NAV1: variants seen among roughly 807,000 people sequenced by gnomAD.
The protein encoded by NAV1 is neuron navigator 1, also known as pore membrane and/or filament interacting like protein 3.
A neutral mutation model predicts 175.2 loss-of-function variants in NAV1; 18 were observed. The ratio of observed to expected loss-of-function variants is 0.10; its 90% CI spans 0.07 to 0.15. NAV1 has a LOEUF of 0.15. Ranked by LOEUF, NAV1 falls within the 10% of genes least tolerant of loss-of-function variation. NAV1 has a pLI of 1.00. For synonymous variants in NAV1, 897 were observed against 978.7 expected, an observed-to-expected ratio of 0.92 and a Z score of 1.56; for missense variants, 1,731 against 2,436.6, an observed-to-expected ratio of 0.71 and a Z score of 6.10.
At chr1:201,640,725 C>G (rs958336306) in intron 2 of NAV1, among the ~76,000 whole-genome samples, 1 of 152,232 alleles carries the variant, frequency 6.6e-6, no homozygotes, top group Non-Finnish European at 1.5e-5. Flanking sequence ...AGAAGCTTGG[C>G]TTCCATTCCA....
intron 1 of NAV1, among the ~76,000 whole-genome samples, chr1:201,625,330 G>A (rs966396945): frequency 7.2e-5 from 11 of 152,216 alleles, no homozygotes; most frequent in African/African-American, 2.7e-4. Context: ...TCATCACCAT[G>A]GTGGTTAGAA....
intron 1 of NAV1, among the ~76,000 whole-genome samples, chr1:201,652,450 T>A (rs1244752925): frequency 6.6e-6 from 1 of 152,170 alleles, no homozygotes; most frequent in Non-Finnish European, 1.5e-5. Context: ...CTTGGAAGAC[T>A]GAGGAGTGAG....
intron 3 of NAV1, chr1:201,739,933 T>A: frequency 7.3e-7 from 1 of 1,361,804 alleles, no homozygotes; most frequent in Non-Finnish European, 9.5e-7. Context: ...CCACAGCTCA[T>A]ACCTTTTCGG....
At chr1:201,815,233 G>A (rs1678953221) in intron 28 of NAV1, among the ~76,000 whole-genome samples, 1 of 151,970 alleles carries the variant, frequency 6.6e-6, no homozygotes, top group Non-Finnish European at 1.5e-5. Context: ...AAATTATTCA[G>A]TTGTAAAAAA....
chr1:201,813,645 C>T lies in NAV1; in HGVS notation c.5340+387C>T, dbSNP rs1372745978. Among the ~76,000 whole-genome samples, 1 of 150,244 alleles carries T rather than the reference C, an allele frequency of 6.7e-6. No homozygotes were observed. The highest frequency in any genetic ancestry group is 2.4e-5 in the African/African-American group (1 of 41,126). On this transcript the variant is annotated intron_variant, in intron 28 of 29. Coordinates refer to ENST00000367296, the Ensembl canonical transcript of NAV1. This position sits in a 1 kb window ranked among gnomAD's most constrained non-coding sequence, Gnocchi z 4.2. Reference sequence around the variant, plus strand: ...TAAGTATGTTATATTAACCAAGTTACTTGACCTTTTTAAATACCCTCATAT... The same window carrying T: ...TAAGTATGTTATATTAACCAAGTTATTTGACCTTTTTAAATACCCTCATAT...
chr1:201,637,443 G>T (rs981899196), intron 2 of NAV1, among the ~76,000 whole-genome samples: 24 of 152,194 alleles, frequency 1.6e-4, no homozygotes, highest in African/African-American at 5.8e-4. Context: ...CATAGATTAA[G>T]AAGTTCTGTT....
chr1:201,785,553 C>A (rs537015826), intron 8 of NAV1, among the ~76,000 whole-genome samples: 1 of 152,138 alleles, frequency 6.6e-6, no homozygotes, highest in Admixed American at 6.5e-5. Flanking sequence ...AGCAAGTGTT[C>A]TTTTTTTGGT....
intron 1 of NAV1, among the ~76,000 whole-genome samples, chr1:201,562,985 T>G (rs756187721): frequency 6.6e-6 from 1 of 152,146 alleles, no homozygotes; most frequent in Non-Finnish European, 1.5e-5. Context: ...AGTGAGGTAA[T>G]GCACAGGAAC....
chr1:201,818,893 G>T (rs1442885194), intron 29 of NAV1, among the ~76,000 whole-genome samples: 1 of 152,150 alleles, frequency 6.6e-6, no homozygotes, highest in Non-Finnish European at 1.5e-5. Context: ...GTATAAAAAT[G>T]CTTTTAAATT....
chr1:201,700,416 T>A (rs1344085055), intron 1 of NAV1, among the ~76,000 whole-genome samples: 1 of 152,050 alleles, frequency 6.6e-6, no homozygotes, highest in Admixed American at 6.6e-5. Flanking sequence ...AGAATGGCGA[T>A]CATTAAAAAG....
At chr1:201,672,438 G>GACAGTTT (rs1395966884) in intron 1 of NAV1, among the ~76,000 whole-genome samples, 1 of 152,150 alleles carries the variant, frequency 6.6e-6, no homozygotes, top group Non-Finnish European at 1.5e-5. Flanking sequence ...TGGTTGTCAA[G>GACAGTTT]ACAGTTTACC....
At chr1:201,598,047 C>T (rs540479034) in intron 2 of NAV1, among the ~76,000 whole-genome samples, 30 of 152,298 alleles carry the variant, frequency 2.0e-4, no homozygotes, top group Admixed American at 9.1e-4. Flanking sequence ...TGATACCAGG[C>T]GCCAGGTGGC....
intron 3 of NAV1, among the ~76,000 whole-genome samples, chr1:201,726,841 T>A (rs562730878): frequency 6.6e-6 from 1 of 152,316 alleles, no homozygotes; most frequent in South Asian, 2.1e-4. Context: ...ACGGTCTTGA[T>A]ATTCTTTTAA....
chr1:201,792,377 T>A (rs1677175418), intron 13 of NAV1: 1 of 152,250 alleles, frequency 6.6e-6, no homozygotes, highest in Non-Finnish European at 1.5e-5. Flanking sequence ...TCTCAAATGC[T>A]AGCCTTTCTG....
chr1:201,600,766 G>A lies in NAV1; in HGVS notation c.-33+12117G>A, dbSNP rs547249571. Among the ~76,000 whole-genome samples, 84 of 152,216 alleles carry A rather than the reference G, an allele frequency of 5.5e-4. No homozygotes were observed. In the South Asian group the frequency reaches 0.017, roughly 31 times the overall value. On this transcript the variant is annotated intron_variant, in intron 2 of 33. Coordinates refer to the NAV1 transcript ENST00000685211. ...CTGATCCCTCAGTCCTAGTAAAAGA[G>A]CAAAGGACTCTCCTGAGCCGAAAAG... is the stretch of plus-strand genomic sequence containing the variant.
At chr1:201,729,361 G>A (rs1250697451) in intron 3 of NAV1, among the ~76,000 whole-genome samples, 1 of 152,210 alleles carries the variant, frequency 6.6e-6, no homozygotes, top group Non-Finnish European at 1.5e-5. Context: ...AATACACTTG[G>A]TGGCCAGGCA....
At chr1:201,661,923 C>T (rs889341020) in intron 1 of NAV1, among the ~76,000 whole-genome samples, 2 of 152,218 alleles carry the variant, frequency 1.3e-5, no homozygotes, top group Non-Finnish European at 2.9e-5. Context: ...GCACTTTACA[C>T]GTATTCAGTC....
chr1:201,606,267 C>T (rs1388598524), intron 2 of NAV1, among the ~76,000 whole-genome samples: 2 of 152,178 alleles, frequency 1.3e-5, no homozygotes, highest in Non-Finnish European at 2.9e-5. Context: ...TTGCACATTG[C>T]GAAACCTCCT....
intron 29 of NAV1, among the ~76,000 whole-genome samples, chr1:201,819,569 A>T (rs1679269547): frequency 1.3e-5 from 2 of 151,338 alleles, no homozygotes; most frequent in East Asian, 1.9e-4. Flanking sequence ...GGCTCGAGTC[A>T]TCCTCCCACT....
Sources: allele counts gnomAD v4.1 joint callset (sites outside exome capture counted in the v4.1 genomes callset), GRCh38; gene constraint gnomAD v4.1.1; non-coding constraint Gnocchi (gnomAD v3.1); transcripts MANE v1.5; gene names NCBI Gene and HGNC (gene_info 2026-07-23, HGNC 2026-07-21).